The following CORO2B variants were observed in gnomAD, a reference collection of about 807,000 sequenced individuals.
The protein encoded by CORO2B is coronin 2B, also known as coronin-2B.
A neutral mutation model predicts 58.8 loss-of-function variants in CORO2B; 26 were observed. The ratio of observed to expected loss-of-function variants is 0.44; its 90% CI spans 0.32 to 0.61. The LOEUF (loss-of-function observed/expected upper bound fraction) is 0.61, where lower values mean the gene tolerates loss of function less well. Among genes scored for constraint, CORO2B ranks in the 20% least tolerant of loss-of-function variants. The pLI is 0.04. For missense variants in CORO2B, 460 were observed against 645.1 expected (o/e 0.71, Z 3.11); for synonymous variants, 242 against 253.8 (o/e 0.95, Z 0.44).
chr15:68,639,288 G>C (rs1160315373), intron 1 of CORO2B, among the ~76,000 whole-genome samples: 1 of 152,188 alleles, frequency 6.6e-6, no homozygotes, highest in African/African-American at 2.4e-5. Context: ...CATGGAGTGG[G>C]GTGGGGCTGT....
intron 1 of CORO2B, among the ~76,000 whole-genome samples, chr15:68,640,388 A>C (rs554430887): frequency 1.9e-4 from 29 of 152,316 alleles, no homozygotes; most frequent in African/African-American, 6.7e-4. Context: ...CCTAACTCTT[A>C]AAGTTTACAA....
chr15:68,692,698 A>G lies in CORO2B; in HGVS notation c.217-2442A>G, dbSNP rs910709788. Reference sequence around the variant, plus strand: ...GCCCAGACTGGAGTGCAGTGGTGTGATATCAGCTCCCTGCAACCCTCGCCT... The same window carrying G: ...GCCCAGACTGGAGTGCAGTGGTGTGGTATCAGCTCCCTGCAACCCTCGCCT... On this transcript the variant is annotated intron_variant, in intron 2 of 11. Transcript: ENST00000261861. Among the ~76,000 whole-genome samples the G allele has an allele frequency of 1.2e-4, 18 of 148,652 alleles. No homozygotes were observed. In the East Asian group the frequency reaches 1.8e-3, roughly 15 times the overall value.
chr15:68,545,223 A>T, the CORO2B span, among the ~76,000 whole-genome samples: 1 of 152,204 alleles, frequency 6.6e-6, no homozygotes, highest in East Asian at 1.9e-4. Flanking sequence ...AAACCTTGCC[A>T]TGGAGTCTTC....
At chr15:68,603,239 C>T (rs1397679333) in intron 1 of CORO2B, among the ~76,000 whole-genome samples, 1 of 152,160 alleles carries the variant, frequency 6.6e-6, no homozygotes, top group Non-Finnish European at 1.5e-5. Flanking sequence ...GCTTACTAAA[C>T]TAGTTGCTGG....
intron 11 of CORO2B, 114 bp from the exon 12 acceptor site, chr15:68,725,729 C>G: frequency 7.4e-7 from 1 of 1,347,436 alleles, no homozygotes. Context: ...CAGTGGGAGG[C>G]CTGGGGGAAT....
intron 2 of CORO2B, among the ~76,000 whole-genome samples, chr15:68,666,682 T>TG (rs1414958164): frequency 4.0e-5 from 6 of 151,278 alleles, no homozygotes; most frequent in Non-Finnish European, 8.8e-5. Context: ...CACTGGGGGT[T>TG]GGGGTGTTGT....
chr15:68,523,185 CTTTCTTT>C, the CORO2B span, among the ~76,000 whole-genome samples: 157 of 152,022 alleles, frequency 1.0e-3, 1 homozygote, highest in Admixed American at 2.6e-3. Flanking sequence ...TTTTTCTTTT[CTTTCTTT>C]TTTCTTTTTT....
At chr15:68,532,828 G>A in the CORO2B span, among the ~76,000 whole-genome samples, 2 of 152,132 alleles carry the variant, frequency 1.3e-5, no homozygotes, top group Middle Eastern at 3.2e-3. Context: ...CTTTATTAGG[G>A]CAGCTCTGGT....
chr15:68,626,512 C>T (rs922651154), intron 1 of CORO2B, among the ~76,000 whole-genome samples: 8 of 152,164 alleles, frequency 5.3e-5, no homozygotes, highest in African/African-American at 1.7e-4. Flanking sequence ...CCCCTGGGCC[C>T]TTTGAGGACA....
At chr15:68,684,234 T>G (rs1902886409) in intron 2 of CORO2B, among the ~76,000 whole-genome samples, 2 of 152,188 alleles carry the variant, frequency 1.3e-5, no homozygotes, top group South Asian at 4.1e-4. Flanking sequence ...ATTACACTTT[T>G]GGGCCAAGCA....
chr15:68,578,676 G>A (rs1271014758), upstream of CORO2B, among the ~76,000 whole-genome samples: 2 of 152,046 alleles, frequency 1.3e-5, no homozygotes, highest in African/African-American at 2.4e-5. This position sits in a 1 kb window ranked among gnomAD's most constrained non-coding sequence, Gnocchi z 4.2. Flanking sequence ...GACTTCACCA[G>A]CGTCCCCGGG....
upstream of CORO2B, among the ~76,000 whole-genome samples, chr15:68,578,082 ACTC>A (rs1899323541): frequency 1.3e-5 from 2 of 151,540 alleles, no homozygotes; most frequent in Non-Finnish European, 2.9e-5. The surrounding 1 kb of genome is among the most constrained non-coding windows in gnomAD (Gnocchi z 4.2). Flanking sequence ...TGGGAGGGAG[ACTC>A]CTTTCTCAAG....
At chr15:68,615,968 A>G (rs1245901231) in intron 1 of CORO2B, among the ~76,000 whole-genome samples, 1 of 152,136 alleles carries the variant, frequency 6.6e-6, no homozygotes, top group Non-Finnish European at 1.5e-5. Context: ...AGGGTGGAGG[A>G]GGCTGCCGTT....
chr15:68,620,369 G>C (rs907758999), intron 1 of CORO2B, among the ~76,000 whole-genome samples: 1 of 152,172 alleles, frequency 6.6e-6, no homozygotes, highest in East Asian at 1.9e-4. Context: ...AACATGGTTC[G>C]GGTGATTTGT....
At chr15:68,627,788 A>G (rs1900725432) in intron 1 of CORO2B, among the ~76,000 whole-genome samples, 1 of 152,086 alleles carries the variant, frequency 6.6e-6, no homozygotes, top group Non-Finnish European at 1.5e-5. Context: ...TACCCCTGCC[A>G]TAGACCCTCA....
the CORO2B span, among the ~76,000 whole-genome samples, chr15:68,563,382 C>T: frequency 3.3e-5 from 5 of 151,564 alleles, no homozygotes; most frequent in Admixed American, 6.6e-5. Context: ...CCCAGCTACT[C>T]GGGAGGCTGA....
chr15:68,576,173 A>AAAAAAAAAAAAAAAGAAAG (rs1555409381), upstream of CORO2B, among the ~76,000 whole-genome samples: 1 of 103,832 alleles, frequency 9.6e-6, no homozygotes, highest in Non-Finnish European at 1.9e-5. Context: ...AAAAAAAAAA[A>AAAAAAAAAAAAAAAGAAAG]AAAGAAAGAA....
At chr15:68,690,941 G>T (rs1183834754) in intron 2 of CORO2B, among the ~76,000 whole-genome samples, 1 of 151,266 alleles carries the variant, frequency 6.6e-6, no homozygotes, top group African/African-American at 2.4e-5. Flanking sequence ...TTACAGGTGT[G>T]AGCCACTGTG....
the CORO2B span, among the ~76,000 whole-genome samples, chr15:68,563,093 G>A: frequency 9.9e-5 from 15 of 151,960 alleles, no homozygotes; most frequent in African/African-American, 3.4e-4. Flanking sequence ...TATAAAGGAA[G>A]AAAGATCTCA....
Sources: allele counts gnomAD v4.1 joint callset (sites outside exome capture counted in the v4.1 genomes callset), GRCh38; gene constraint gnomAD v4.1.1; non-coding constraint Gnocchi (gnomAD v3.1); transcripts MANE v1.5; gene names NCBI Gene and HGNC (gene_info 2026-07-23, HGNC 2026-07-21).